PLAC8: variants seen among roughly 807,000 people sequenced by gnomAD.
The protein encoded by PLAC8 is placenta associated 8.
PLAC8 carries 6 observed loss-of-function variants against 12.6 expected under a neutral mutation model. The ratio of observed to expected loss-of-function variants is 0.48; its 90% confidence interval spans 0.26 to 0.94. The LOEUF is 0.94. Ranked by LOEUF, PLAC8 falls within the 40% of genes least tolerant of loss-of-function variation. The pLI is 0.14. For synonymous variants in PLAC8, 54 were observed against 52.6 expected, an observed-to-expected ratio of 1.03 and a Z score of -0.11; for missense variants, 122 against 152.7, an observed-to-expected ratio of 0.80 and a Z score of 1.06.
chr4:83,092,147 A>G (rs1731820863), intron 4 of PLAC8, among the ~76,000 whole-genome samples: 1 of 152,162 alleles, frequency 6.6e-6, no homozygotes, highest in South Asian at 2.1e-4. Flanking sequence ...CCGCCAAGGT[A>G]TTTTACTTCA....
In PLAC8 at chr4:83,102,133, T is replaced by G. The variant is rs535826719; in HGVS notation, c.243+2763A>C. 1.8e-4 allele frequency among the ~76,000 whole-genome samples: 27 copies of G among 152,278 alleles called. No individual in the cohort carries two copies. The South Asian group carries it at 5.2e-3, about 29-fold the overall frequency. ...TATTATTTAAAAAAAAAAACACTTTTGAAGGCTGTAGCTGCCATAGACAGT... is the reference window on the plus strand; with the variant it reads ...TATTATTTAAAAAAAAAAACACTTTGGAAGGCTGTAGCTGCCATAGACAGT... On this transcript the variant is annotated intron_variant, in intron 3 of 4. Coordinates refer to ENST00000311507, the MANE Select transcript of PLAC8 (RefSeq NM_016619.3).
chr4:83,103,897 A>G (rs1450014946), intron 3 of PLAC8, among the ~76,000 whole-genome samples: 5 of 152,062 alleles, frequency 3.3e-5, no homozygotes, highest in Non-Finnish European at 7.4e-5. Flanking sequence ...TTAACTCCTG[A>G]CCTCAAGTGA....
At chr4:83,097,082 T>G (rs1043561728) in intron 3 of PLAC8, among the ~76,000 whole-genome samples, 4 of 152,206 alleles carry the variant, frequency 2.6e-5, no homozygotes, top group African/African-American at 9.7e-5. Context: ...AGCTGTTTAT[T>G]TGCTACTTAT....
intron 3 of PLAC8, among the ~76,000 whole-genome samples, chr4:83,101,337 G>T (rs1319149918): frequency 6.6e-6 from 1 of 152,138 alleles, no homozygotes; most frequent in East Asian, 1.9e-4. Flanking sequence ...CCAAGATCGT[G>T]CCCCACTGCA....
At chr4:83,113,743 G>A (rs982352161) in intron 1 of PLAC8, among the ~76,000 whole-genome samples, 3 of 152,128 alleles carry the variant, frequency 2.0e-5, no homozygotes, top group African/African-American at 7.2e-5. Context: ...ATCTTGGTGG[G>A]CAAGCTTTGG....
chr4:83,107,110 G>C (rs112266638), intron 2 of PLAC8, among the ~76,000 whole-genome samples: 2,151 of 151,628 alleles, frequency 0.014, 52 homozygotes, highest in African/African-American at 0.049. Flanking sequence ...TGAGGCAGGA[G>C]AATCTCTTGA....
rs192348369 is a variant in PLAC8 at position 83,092,142 on chromosome 4, A to G, written c.*10-1171T>C. Among the ~76,000 whole-genome samples, 131 of 152,314 alleles carry G rather than the reference A, an allele frequency of 8.6e-4. 1 individual carries two copies. Among genetic ancestry groups the G allele is most frequent in the South Asian group, 5.0e-3 (24 of 4,826 alleles). On this transcript the variant is annotated intron_variant, in intron 4 of 4. Transcript: ENST00000311507. ...TTGATGAGGAGGAGTCAGGACCGCC[A>G]AGGTATTTTACTTCAAACCCACCTA...
intron 3 of PLAC8, among the ~76,000 whole-genome samples, chr4:83,097,628 T>C (rs1252792223): frequency 3.9e-5 from 6 of 152,190 alleles, no homozygotes; most frequent in Non-Finnish European, 7.3e-5. Flanking sequence ...TCTTCATTTC[T>C]GTCTAATGTC....
chr4:83,095,187 G>A (rs1731896724), intron 3 of PLAC8, among the ~76,000 whole-genome samples: 1 of 152,208 alleles, frequency 6.6e-6, no homozygotes, highest in Admixed American at 6.5e-5. Context: ...ATACAGGAGA[G>A]AAGCTAATGG....
chr4:83,100,432 G>A (rs1395853349), intron 3 of PLAC8, among the ~76,000 whole-genome samples: 1 of 152,068 alleles, frequency 6.6e-6, no homozygotes, highest in Non-Finnish European at 1.5e-5. Flanking sequence ...TGTACAGCCT[G>A]TGGAACCATG....
At chr4:83,109,128 T>A (rs1246145690) in intron 1 of PLAC8, among the ~76,000 whole-genome samples, 1 of 152,212 alleles carries the variant, frequency 6.6e-6, no homozygotes, top group Admixed American at 6.5e-5. Flanking sequence ...GAAACCGTGA[T>A]CTTAGACTCA....
At chr4:83,103,461 T>G (rs969392595) in intron 3 of PLAC8, among the ~76,000 whole-genome samples, 2 of 152,166 alleles carry the variant, frequency 1.3e-5, no homozygotes, top group African/African-American at 4.8e-5. Flanking sequence ...GAAGATGCTG[T>G]GACCATGGTT....
At chr4:83,111,308 G>A (rs2126144541) in intron 1 of PLAC8, among the ~76,000 whole-genome samples, 1 of 151,964 alleles carries the variant, frequency 6.6e-6, no homozygotes, top group Non-Finnish European at 1.5e-5. Flanking sequence ...TCTTTTATAA[G>A]CAAAACAAGA....
intron 2 of PLAC8, among the ~76,000 whole-genome samples, 154 bp downstream of exon 2, chr4:83,107,650 T>TTTTTTTTTTTTTTTTTTTTTTA (rs1732290344): frequency 7.7e-6 from 1 of 129,678 alleles, no homozygotes; most frequent in Non-Finnish European, 1.6e-5. Context: ...TTTTTTTTTT[T>TTTTTTTTTTTTTTTTTTTTTTA]TTTTTTTGCT....
chr4:83,102,481 G>A (rs1486522213), intron 3 of PLAC8, among the ~76,000 whole-genome samples: 1 of 152,206 alleles, frequency 6.6e-6, no homozygotes, highest in Non-Finnish European at 1.5e-5. Flanking sequence ...GAAGGCTGCA[G>A]TGAGCCGAGA....
rs893545832 is a variant in PLAC8 at position 83,114,680 on chromosome 4, G to A, written c.-44C>T. The A allele has an allele frequency of 2.0e-5, 3 of 152,076 alleles. No individual in the cohort carries two copies. Among genetic ancestry groups the A allele is most frequent in the African/African-American group, 7.2e-5 (3 of 41,414 alleles). The allele number at this position is 152,076 out of a possible 1,614,324, so 9.4% of individuals were successfully genotyped here. ...AAAGTACTTACAATTAGTAAACAAG[G>A]TTCCGAGCAGGAAATGTCTTGTGGC... On this transcript the variant is annotated 5_prime_UTR_variant, in exon 1 of 5. Transcript: ENST00000311507.
Position 83,090,768 on chromosome 4 carries a change from A to G in PLAC8, c.*213T>C, listed in dbSNP as rs1416281527. 6.6e-6 allele frequency: 1 copy of G among 152,096 alleles called. No homozygotes were observed. Among genetic ancestry groups the G allele is most frequent in the Non-Finnish European group, 1.5e-5 (1 of 68,016 alleles). 9.4% of individuals were successfully genotyped at this position (152,096 alleles called of 1,614,324 possible). On this transcript the variant is annotated 3_prime_UTR_variant, in exon 5 of 5. Coordinates refer to ENST00000311507, the MANE Select transcript of PLAC8 (RefSeq NM_016619.3). ...TAAGCCAGGAAATTCGAATTCGATA[A>G]TATGAAAGCAAGGAGAAACTAAGTT...
intron 4 of PLAC8, chr4:83,093,759 G>A (rs1202959505): frequency 2.6e-5 from 4 of 152,082 alleles, no homozygotes; most frequent in African/African-American, 9.7e-5. Flanking sequence ...TAATGACAGA[G>A]GGACTAGCTT....
chr4:83,103,366 G>A (rs1048024124), intron 3 of PLAC8, among the ~76,000 whole-genome samples: 2 of 152,146 alleles, frequency 1.3e-5, no homozygotes, highest in African/African-American at 4.8e-5. Context: ...CTGCACTCCA[G>A]CCTGGCAACA....
Sources: gnomAD v4.1 joint callset for allele counts (sites outside exome capture counted in the v4.1 genomes callset) on GRCh38, gnomAD v4.1.1 for gene constraint, MANE v1.5 for transcripts, NCBI Gene and HGNC (gene_info 2026-07-23, HGNC 2026-07-21) for gene names.